The following WHAMM variants were observed in gnomAD, a reference collection of about 807,000 sequenced individuals.
The protein encoded by WHAMM is WASP homolog-associated protein with actin, membranes and microtubules.
In WHAMM, 67 loss-of-function variants were observed where a neutral mutation model predicts 76.5. The ratio of observed to expected loss-of-function variants is 0.88; its 90% CI spans 0.72 to 1.07. The LOEUF (loss-of-function observed/expected upper bound fraction) is 1.07, where lower values mean the gene tolerates loss of function less well. WHAMM is among the 50% of genes least tolerant of loss of function. The probability of loss-of-function intolerance (pLI) is 0.00; values close to 1 mark genes in which losing one functional copy is unlikely to be tolerated. For synonymous variants in WHAMM, 419 were observed against 422.1 expected (o/e 0.99, Z 0.09); for missense variants, 1,021 against 1,051.1 (o/e 0.97, Z 0.40).
intron 4 of WHAMM, among the ~76,000 whole-genome samples, chr15:82,818,628 C>A (rs1011706176): frequency 1.3e-4 from 20 of 152,346 alleles, no homozygotes; most frequent in Admixed American, 3.9e-4. Context: ...AGAGATACTT[C>A]ACTGCATAGT....
At chr15:82,810,730 A>C (rs1441387874) in intron 1 of WHAMM, 1 of 985,348 alleles carries the variant, frequency 1.0e-6, no homozygotes, top group East Asian at 1.1e-4. Context: ...CCTGTGTATG[A>C]GGGGACGTCG....
At chr15:82,826,056 C>T (rs1447580863) in intron 6 of WHAMM, among the ~76,000 whole-genome samples, 3 of 152,156 alleles carry the variant, frequency 2.0e-5, no homozygotes, top group Non-Finnish European at 2.9e-5. Flanking sequence ...TAGGTATGCT[C>T]GGAAATGTGA....
chr15:82,820,817 C>T (rs1041582564), intron 5 of WHAMM, among the ~76,000 whole-genome samples: 1 of 151,272 alleles, frequency 6.6e-6, no homozygotes, highest in Non-Finnish European at 1.5e-5. Flanking sequence ...ATCGCTTGAA[C>T]CTGGGAGGTG....
intron 9 of WHAMM, among the ~76,000 whole-genome samples, chr15:82,831,443 C>T (rs2051031267): frequency 6.6e-6 from 1 of 152,148 alleles, no homozygotes; most frequent in Non-Finnish European, 1.5e-5. Flanking sequence ...TTAAATTATG[C>T]TTACTCTTGC....
In WHAMM at chr15:82,830,701, G is replaced by A. The variant is rs375024672; in HGVS notation, c.1744G>A (p.Ala582Thr). 2.3e-5 allele frequency: 37 copies of A among 1,613,764 alleles called. No homozygotes were observed. Among genetic ancestry groups the A allele is most frequent in the South Asian group, 1.4e-4 (13 of 91,084 alleles). Residue 582 changes from alanine to threonine, a missense_variant, in exon 9 of 10, where the codon GCG becomes ACG. Ala to Thr is a moderately conservative substitution (Grantham distance 58). Around this residue, in one of 3 missense-constraint regions of WHAMM, gnomAD observed 509 missense variants for 492.3 expected, o/e 1.03. Coordinates refer to ENST00000286760, the MANE Select transcript of WHAMM (RefSeq NM_001080435.3). ...GCAGATGTGCTTGCCAGCTTCCCAC[G>A]CGGTGTCAGTAATTCACCCGTCCTC... ...SQQMCLPASH[A>T]VSVIHPSSRK... is the part of the protein sequence containing the mutation.
Position 82,830,780 on chromosome 15 carries a change from A to C in WHAMM, c.1823A>C (p.Lys608Thr). Reference protein sequence around the residue: ...LSEAGNVKSPKCQNCHGNIPV... With the variant: ...LSEAGNVKSPTCQNCHGNIPV... The stretch of plus-strand genomic sequence containing the variant: ...GAAGCTGGTAATGTGAAAAGCCCCA[A>C]GTGTCAAAACTGTCATGGAAATATC... The change falls in exon 9 of 10, where the codon AAG (lysine) becomes ACG (threonine). Residue 608 changes from lysine to threonine, a missense_variant. Physicochemically the swap from Lys to Thr is moderately conservative, Grantham distance 78. Transcript: ENST00000286760. 1 of 1,613,840 alleles carries C rather than the reference A, an allele frequency of 6.2e-7. No individual in the cohort carries two copies. Among genetic ancestry groups the C allele is most frequent in the Non-Finnish European group, 8.5e-7 (1 of 1,179,822 alleles).
chr15:82,816,708 A>G lies in WHAMM; in HGVS notation c.800A>G (p.Asp267Gly). ...KLDILKSLDE[D>G]DLGPRRVVAL... is the part of the protein sequence containing the mutation. ...TGTCTGTAGAAGTCTTTGGATGAGG[A>G]TGACCTAGGTCCTAGAAGGGTAGTT... Residue 267 changes from aspartate to glycine, a missense_variant, in exon 3 of 10, where the codon GAT (aspartate) becomes GGT (glycine). This residue lies in a region of WHAMM where 501 missense variants were observed against 524.9 expected (regional missense o/e 0.95). Coordinates refer to ENST00000286760, the MANE Select transcript of WHAMM (RefSeq NM_001080435.3). 6.4e-7 allele frequency: 1 copy of G among 1,554,814 alleles called. No homozygotes were observed. Among genetic ancestry groups the G allele is most frequent in the Non-Finnish European group, 8.7e-7 (1 of 1,148,496 alleles).
chr15:82,820,519 AT>A (rs1489662933), intron 5 of WHAMM, among the ~76,000 whole-genome samples: 1 of 152,098 alleles, frequency 6.6e-6, no homozygotes, highest in Non-Finnish European at 1.5e-5. Context: ...TCTGAGATAC[AT>A]TTTTCCTCAC....
rs750049728 is a variant in WHAMM at position 82,830,821 on chromosome 15, G to A, written c.1864G>A (p.Val622Ile). 2 of 1,604,052 alleles carry A rather than the reference G, an allele frequency of 1.2e-6. No homozygotes were observed. The highest frequency in any genetic ancestry group is 1.1e-5 in the South Asian group (1 of 89,926). ...TGGAAATATCCCTGTCCAGGTTTTT[G>A]TTCCAGTTGGTGATCAAACACATTC... is the stretch of plus-strand genomic sequence containing the variant. ...CHGNIPVQVFVPVGDQTHSKS... is the reference protein window; with the variant it reads ...CHGNIPVQVFIPVGDQTHSKS... The change falls in exon 9 of 10, where the codon GTT becomes ATT. Residue 622 changes from valine (V) to isoleucine (I), a missense_variant. By Grantham distance (29) the Val-to-Ile change is conservative (BLOSUM62 3). Coordinates refer to ENST00000286760, the MANE Select transcript of WHAMM (RefSeq NM_001080435.3).
chr15:82,824,175 T>TTTTTTTTTTTTTTTTTTA, intron 6 of WHAMM, among the ~76,000 whole-genome samples: 1 of 148,132 alleles, frequency 6.8e-6, no homozygotes, highest in Non-Finnish European at 1.5e-5. Flanking sequence ...TTTTTTTTTT[T>TTTTTTTTTTTTTTTTTTA]GAAACAGAGT....
chr15:82,825,769 CAA>C (rs1337561707), intron 6 of WHAMM, among the ~76,000 whole-genome samples: 4 of 146,296 alleles, frequency 2.7e-5, no homozygotes. Context: ...GCCTGGGCAA[CAA>C]GAGCGAAACT....
intron 8 of WHAMM, among the ~76,000 whole-genome samples, chr15:82,828,715 C>T (rs1015230442): frequency 6.6e-6 from 1 of 152,056 alleles, no homozygotes; most frequent in African/African-American, 2.4e-5. Context: ...AAGCTCCCAG[C>T]GAAACTGGAA....
chr15:82,812,971 A>G (rs1215853856), intron 1 of WHAMM, 132 bp from the exon 2 acceptor site: 2 of 655,866 alleles, frequency 3.0e-6, no homozygotes, highest in Non-Finnish European at 4.7e-6. Context: ...TAACATTTTC[A>G]TATTTAATCA....
At chr15:82,825,234 G>A (rs901472473) in intron 6 of WHAMM, among the ~76,000 whole-genome samples, 4 of 152,206 alleles carry the variant, frequency 2.6e-5, no homozygotes, top group African/African-American at 7.2e-5. Context: ...AGGATTTGAA[G>A]ATATACAGGC....
chr15:82,833,086 A>C (rs2051058799), intron 9 of WHAMM, 143 bp from the exon 10 acceptor site: 2 of 992,040 alleles, frequency 2.0e-6, no homozygotes, highest in East Asian at 2.6e-5. Context: ...GTTAGCACGT[A>C]ATCAAGGCAT....
Position 82,809,685 on chromosome 15 carries a change from G to A in WHAMM, c.-42G>A, listed in dbSNP as rs757672167. The A allele has an allele frequency of 6.0e-6, 8 of 1,341,582 alleles. No homozygotes were observed. Among genetic ancestry groups the A allele is most frequent in the Non-Finnish European group, 6.8e-6 (7 of 1,036,832 alleles). The allele number at this position is 1,341,582 out of a possible 1,614,324, so 83.1% of individuals were successfully genotyped here. A position where few individuals can be genotyped will look rare whatever the true frequency, so the allele number is the denominator to read the frequency against. ...GTGACAGGCGGTGCGAGGAGGCCAGGCCCGCGCCCGCCGAGCCCTAGGGCC... is the reference window on the plus strand; with the variant it reads ...GTGACAGGCGGTGCGAGGAGGCCAGACCCGCGCCCGCCGAGCCCTAGGGCC... On this transcript the variant is annotated 5_prime_UTR_variant, in exon 1 of 10. Coordinates refer to ENST00000286760, the MANE Select transcript of WHAMM (RefSeq NM_001080435.3).
At position 82,810,057 on chromosome 15, in the gene WHAMM, G is replaced by C. The variant is rs995077046; in HGVS notation, c.331G>C (p.Glu111Gln). The change falls in exon 1 of 10, where the codon GAG (glutamate) becomes CAG (glutamine). Residue 111 changes from glutamate to glutamine, a missense_variant. This residue lies in a region of WHAMM where 501 missense variants were observed against 524.9 expected (regional missense o/e 0.95). Coordinates refer to ENST00000286760, the MANE Select transcript of WHAMM (RefSeq NM_001080435.3). ...GCGCTGCTTCCCGCGGCTGCCGCCG[G>C]AGCTGGACGTGGGCGGCGGCGGGGC... is the stretch of plus-strand genomic sequence containing the variant. ...LERCFPRLPPELDVGGGGAWG... is the reference protein window; with the variant it reads ...LERCFPRLPPQLDVGGGGAWG... The C allele has an allele frequency of 1.5e-5, 18 of 1,217,626 alleles. No individual in the cohort carries two copies. The South Asian group carries it at 5.7e-4, about 39-fold the overall frequency. The allele number at this position is 1,217,626 out of a possible 1,614,324, so 75.4% of individuals were successfully genotyped here.
intron 4 of WHAMM, 148 bp downstream of exon 4, chr15:82,818,237 G>A (rs1290215630): frequency 3.8e-6 from 3 of 798,700 alleles, no homozygotes; most frequent in South Asian, 2.0e-5. Flanking sequence ...ATCATCACCT[G>A]TATAATGTAA....
At chr15:82,825,031 A>C (rs2050906922) in intron 6 of WHAMM, among the ~76,000 whole-genome samples, 1 of 152,156 alleles carries the variant, frequency 6.6e-6, no homozygotes, top group African/African-American at 2.4e-5. Flanking sequence ...AGGCTGAGGC[A>C]GGAGGATCGC....
Sources: gnomAD v4.1 joint callset for allele counts (sites outside exome capture counted in the v4.1 genomes callset) on GRCh38, gnomAD v4.1.1 for gene constraint, gnomAD v4.1.1 regional missense constraint, MANE v1.5 for transcripts, NCBI Gene and HGNC (gene_info 2026-07-23, HGNC 2026-07-21) for gene names.